RIMS2: variants seen among roughly 807,000 people sequenced by gnomAD.
RIMS2 encodes regulating synaptic membrane exocytosis protein 2.
RIMS2 carries 59 observed loss-of-function variants against 174.4 expected under a neutral mutation model. The ratio of observed to expected loss-of-function variants is 0.34; its 90% CI spans 0.27 to 0.42. RIMS2 has a LOEUF of 0.42. Among genes scored for constraint, RIMS2 ranks in the 10% least tolerant of loss-of-function variants. RIMS2 has a pLI of 1.00. For missense variants in RIMS2, 1,620 were observed against 1,666.3 expected (o/e 0.97, Z 0.48); for synonymous variants, 606 against 572.5 (o/e 1.06, Z -0.84).
At chr8:104,072,840 T>C (rs1430953110) in intron 19 of RIMS2, among the ~76,000 whole-genome samples, 1 of 152,168 alleles carries the variant, frequency 6.6e-6, no homozygotes, top group Non-Finnish European at 1.5e-5. Context: ...ATATTTTCAG[T>C]ATACTAGAAA....
intron 6 of RIMS2, among the ~76,000 whole-genome samples, chr8:103,915,014 T>G (rs566756012): frequency 6.6e-6 from 1 of 152,134 alleles, no homozygotes; most frequent in African/African-American, 2.4e-5. Context: ...TTGTAATTTT[T>G]TTCAAGAAAG....
chr8:103,706,411 A>AT (rs543653065), intron 2 of RIMS2, among the ~76,000 whole-genome samples: 133 of 152,076 alleles, frequency 8.7e-4, no homozygotes, highest in African/African-American at 3.0e-3. Context: ...CCTTCACAGG[A>AT]TTTTTTTGGA....
intron 11 of RIMS2, chr8:103,927,940 T>G: frequency 6.7e-7 from 1 of 1,503,004 alleles, no homozygotes; most frequent in Non-Finnish European, 9.0e-7. Flanking sequence ...TAACCCTATT[T>G]GTATGTTTTT....
intron 19 of RIMS2, among the ~76,000 whole-genome samples, chr8:104,151,842 C>T (rs192970975): frequency 6.6e-6 from 1 of 151,966 alleles, no homozygotes; most frequent in African/African-American, 2.4e-5. Context: ...CAAGACAATG[C>T]CCTGTGGAAG....
At chr8:103,628,318 A>T (rs921538724) in intron 1 of RIMS2, among the ~76,000 whole-genome samples, 1 of 151,696 alleles carries the variant, frequency 6.6e-6, no homozygotes, top group Non-Finnish European at 1.5e-5. Flanking sequence ...GAACTTCAAG[A>T]GAAAACCCCT....
intron 19 of RIMS2, among the ~76,000 whole-genome samples, chr8:104,018,886 C>CATGATTGA (rs1321589756): frequency 1.3e-5 from 2 of 152,078 alleles, no homozygotes; most frequent in African/African-American, 4.8e-5. Context: ...TAATTTCTCC[C>CATGATTGA]CATCTTTCTA....
intron 19 of RIMS2, among the ~76,000 whole-genome samples, chr8:104,100,891 GTA>G (rs1491291857): frequency 9.0e-5 from 12 of 132,814 alleles, no homozygotes; most frequent in Admixed American, 8.1e-4. Flanking sequence ...ATATCATATT[GTA>G]TATGTTATAT....
chr8:103,975,297 C>A, intron 15 of RIMS2, 53 bp from the exon 18 acceptor site: 2 of 1,284,518 alleles, frequency 1.6e-6, no homozygotes, highest in Non-Finnish European at 2.2e-6. Flanking sequence ...AGAAGAGACG[C>A]AAAGGACTTT....
chr8:103,756,979 CTGTGTGTGTGTGTGTGTGTG>C lies in RIMS2; in HGVS notation c.388-9235_388-9216del, dbSNP rs71575983. ...TCCTTTCTCGTATGTGTGTGTGTGT[CTGTGTGTGTGTGTGTGTGTG>C]TGTGTGTGTGTGAGAGAGAGAGAGA... On this transcript the variant is annotated intron_variant, in intron 2 of 23. Transcript: ENST00000504942. 5.7e-3 allele frequency among the ~76,000 whole-genome samples: 764 copies of C among 135,056 alleles called. 1 individual carries two copies. Among genetic ancestry groups the C allele is most frequent in the Non-Finnish European group, 9.0e-3 (572 of 63,258 alleles). 88.6% of individuals were successfully genotyped at this position (135,056 alleles called of 152,430 possible).
intron 19 of RIMS2, among the ~76,000 whole-genome samples, chr8:104,241,712 C>T (rs1473560348): frequency 6.6e-6 from 1 of 152,082 alleles, no homozygotes; most frequent in African/African-American, 2.4e-5. Flanking sequence ...TGGAGAGACA[C>T]ACTTGTACAA....
chr8:104,169,299 G>T (rs1042759537), intron 19 of RIMS2, among the ~76,000 whole-genome samples: 4 of 90,832 alleles, frequency 4.4e-5, no homozygotes, highest in Admixed American at 1.3e-4. Context: ...TTTTTTTGTT[G>T]TTGGCTATAT....
chr8:103,652,534 G>C (rs2096470657), intron 1 of RIMS2, 90 bp from the exon 3 acceptor site: 2 of 612,478 alleles, frequency 3.3e-6, no homozygotes, highest in Admixed American at 2.5e-5. Flanking sequence ...TAGCTTTTGT[G>C]CCTGTGTATT....
At chr8:103,913,184 T>C (rs2076054421) in intron 6 of RIMS2, among the ~76,000 whole-genome samples, 1 of 151,748 alleles carries the variant, frequency 6.6e-6, no homozygotes, top group Non-Finnish European at 1.5e-5. Flanking sequence ...TTCACCATGT[T>C]GGCCAGGATG....
intron 3 of RIMS2, among the ~76,000 whole-genome samples, chr8:103,866,372 G>A (rs1363911903): frequency 2.6e-5 from 4 of 152,054 alleles, no homozygotes; most frequent in Non-Finnish European, 5.9e-5. Context: ...ATGTAATGGC[G>A]TTTCTGAGAA....
chr8:103,615,594 T>C (rs796541747), intron 1 of RIMS2, among the ~76,000 whole-genome samples: 22 of 151,728 alleles, frequency 1.4e-4, no homozygotes, highest in African/African-American at 4.8e-4. Flanking sequence ...AATTCAGGAG[T>C]TGATTTTTAA....
chr8:104,041,918 T>C (rs11785380), intron 19 of RIMS2, among the ~76,000 whole-genome samples: 2,858 of 151,662 alleles, frequency 0.019, 44 homozygotes, highest in Middle Eastern at 0.068. Context: ...TCAAATGAAG[T>C]TTATTTCAAC....
chr8:104,245,382 T>C (rs1463706165), intron 20 of RIMS2, among the ~76,000 whole-genome samples: 1 of 152,238 alleles, frequency 6.6e-6, no homozygotes, highest in Admixed American at 6.5e-5. Flanking sequence ...TAAGCATGCA[T>C]GCCACACCAT....
chr8:103,642,092 G>A (rs1314076107), intron 1 of RIMS2, among the ~76,000 whole-genome samples: 2 of 152,020 alleles, frequency 1.3e-5, no homozygotes, highest in Non-Finnish European at 2.9e-5. Flanking sequence ...GTTTGTAACT[G>A]TGTTGCATTT....
intron 19 of RIMS2, among the ~76,000 whole-genome samples, chr8:104,102,302 C>G (rs1049591175): frequency 2.0e-5 from 3 of 152,146 alleles, no homozygotes; most frequent in African/African-American, 7.2e-5. Context: ...GGCCTGTTAT[C>G]TTTGCACCTG....
Sources: allele counts gnomAD v4.1 joint callset (sites outside exome capture counted in the v4.1 genomes callset), GRCh38; gene constraint gnomAD v4.1.1; transcripts MANE v1.5; gene names NCBI Gene and HGNC (gene_info 2026-07-23, HGNC 2026-07-21).